GRID2IP: variants seen among roughly 807,000 people sequenced by gnomAD.
GRID2IP encodes delphilin.
In GRID2IP, 78 loss-of-function variants were observed where a neutral mutation model predicts 114.3. That is an observed-to-expected ratio of 0.68 (90% confidence interval 0.57 to 0.82). GRID2IP has a LOEUF of 0.82. Among genes scored for constraint, GRID2IP ranks in the 40% least tolerant of loss-of-function variants. GRID2IP has a pLI of 0.00. For synonymous variants in GRID2IP, 809 were observed against 724.0 expected (o/e 1.12, Z -1.89); for missense variants, 1,727 against 1,678.5 (o/e 1.03, Z -0.51).
intron 2 of GRID2IP, chr7:6,530,957 G>T: frequency 1.8e-6 from 1 of 541,942 alleles, no homozygotes; most frequent in South Asian, 2.2e-5. Context: ...ACCCAGGGCA[G>T]GGAAGCCCCT....
At chr7:6,545,041 C>T (rs990700563) in intron 1 of GRID2IP, among the ~76,000 whole-genome samples, 8 of 151,980 alleles carry the variant, frequency 5.3e-5, no homozygotes, top group East Asian at 1.9e-4. Context: ...AAGCCGAGAT[C>T]GCGCCACTGC....
At position 6,536,985 on chromosome 7, in the gene GRID2IP, T is replaced by C. The variant is rs374165151; in HGVS notation, c.584+2733A>G. The C allele has an allele frequency of 1.3e-5, 1 of 77,820 alleles. No individual in the cohort carries two copies. The highest frequency in any genetic ancestry group is 2.5e-5 in the Non-Finnish European group (1 of 40,654). The allele number at this position is 77,820 out of a possible 1,614,324, so 4.8% of individuals were successfully genotyped here. A position where few individuals can be genotyped will look rare whatever the true frequency, so the allele number is the denominator to read the frequency against. On this transcript the variant is annotated intron_variant, in intron 2 of 21. Transcript: ENST00000457091. The surrounding 1 kb of genome is among the most constrained non-coding windows in gnomAD (Gnocchi z 5.3). ...GCCAGGCCCAGAGGGAGGGGCAGGCTGCGGGGTGAATGGCAGCAAGGGGAG... is the reference window on the plus strand; with the variant it reads ...GCCAGGCCCAGAGGGAGGGGCAGGCCGCGGGGTGAATGGCAGCAAGGGGAG...
chr7:6,517,349 G>A (rs775165935), intron 7 of GRID2IP, among the ~76,000 whole-genome samples: 3 of 151,772 alleles, frequency 2.0e-5, no homozygotes, highest in African/African-American at 4.8e-5. Context: ...GAGCCACCGC[G>A]CCCAGCCGTC....
Position 6,526,627 on chromosome 7 carries a change from G to T in GRID2IP, c.727C>A (p.Leu243Met). 7.5e-7 allele frequency: 1 copy of T among 1,326,262 alleles called. No homozygotes were observed. The highest frequency in any genetic ancestry group is 9.6e-7 in the Non-Finnish European group (1 of 1,039,422). The allele number at this position is 1,326,262 out of a possible 1,614,324, so 82.2% of individuals were successfully genotyped here. Residue 243 changes from leucine (L) to methionine (M), a missense_variant, in exon 3 of 22, where the codon CTG becomes ATG. Physicochemically the swap from Leu to Met is conservative, Grantham distance 15. Coordinates refer to ENST00000457091, the MANE Select transcript of GRID2IP (RefSeq NM_001145118.2). This position sits in a 1 kb window ranked among gnomAD's most constrained non-coding sequence, Gnocchi z 7.6. The stretch of plus-strand genomic sequence containing the variant: ...GGGGCGCTGGCGCGCGTGGACACCA[G>T]GAGGCGCTCCGGCCGCTCCTCGCTG... ...SRSEERPERL[L>M]VSTRASAPPR...
intron 2 of GRID2IP, among the ~76,000 whole-genome samples, chr7:6,538,090 G>A (rs931694277): frequency 1.3e-5 from 2 of 152,064 alleles, no homozygotes; most frequent in Non-Finnish European, 1.5e-5. Flanking sequence ...CCAAAGGGTC[G>A]GGCACCGTGG....
intron 2 of GRID2IP, among the ~76,000 whole-genome samples, chr7:6,527,936 T>G (rs1304080800): frequency 1.3e-5 from 2 of 152,128 alleles, no homozygotes; most frequent in East Asian, 1.9e-4. Context: ...TTTTGTATTT[T>G]TAGTAGAGAT....
At chr7:6,541,887 A>G (rs1030538183) in intron 1 of GRID2IP, among the ~76,000 whole-genome samples, 1 of 152,184 alleles carries the variant, frequency 6.6e-6, no homozygotes, top group Non-Finnish European at 1.5e-5. Flanking sequence ...TCACCTGTGT[A>G]TTATTTCTAA....
rs930437366 is a variant in GRID2IP, at chr7:6,551,078, A to G, written c.359T>C (p.Leu120Pro). 1,301 of 1,285,060 alleles carry G rather than the reference A, an allele frequency of 1.0e-3. 1 individual carries two copies. Among genetic ancestry groups the G allele is most frequent in the Non-Finnish European group, 1.1e-3 (1,169 of 1,018,818 alleles). The allele number at this position is 1,285,060 out of a possible 1,614,324, so 79.6% of individuals were successfully genotyped here. A position where few individuals can be genotyped will look rare whatever the true frequency, so the allele number is the denominator to read the frequency against. ...CGCGTCCGGGCGCTTGCGGCCGGCC[A>G]GGCGAAGCAGCTCACGGCCCAGAGC... is the stretch of plus-strand genomic sequence containing the variant. ...GLALGRELLRLAGRKRPDAVH... is the reference protein window; with the variant it reads ...GLALGRELLRPAGRKRPDAVH... Residue 120 changes from leucine (L) to proline (P), a missense_variant, in exon 1 of 22, where the codon CTG becomes CCG. By Grantham distance (98) the Leu-to-Pro change is moderately conservative (BLOSUM62 -3). Transcript: ENST00000457091.
At chr7:6,500,585 G>A (rs1786386092) in intron 20 of GRID2IP, among the ~76,000 whole-genome samples, 1 of 152,204 alleles carries the variant, frequency 6.6e-6, no homozygotes. Flanking sequence ...GAAAGGGCAG[G>A]GGTAGATCTG....
At chr7:6,510,440 C>T (rs767091397) in intron 10 of GRID2IP, 40 bp from the exon 11 acceptor site, 1 of 1,434,016 alleles carries the variant, frequency 7.0e-7, no homozygotes, top group Non-Finnish European at 9.3e-7. Flanking sequence ...ATTCTGCTTC[C>T]CCTCGTAGCC....
rs1416880332 is a variant in GRID2IP at position 6,507,253 on chromosome 7, C to T, written c.2544+732G>A. 2.0e-5 allele frequency among the ~76,000 whole-genome samples: 3 copies of T among 152,196 alleles called. No individual in the cohort carries two copies. Among genetic ancestry groups the T allele is most frequent in the Admixed American group, 6.5e-5 (1 of 15,270 alleles). On this transcript the variant is annotated intron_variant, in intron 13 of 21. Transcript: ENST00000457091. This position sits in a 1 kb window ranked among gnomAD's most constrained non-coding sequence, Gnocchi z 5.3. ...GAGTATGATGTCCCAGTCAAAGGAG[C>T]TGAGAACCCTGTTCTCTCCTCTGAG...
At chr7:6,539,285 C>T (rs1583352848) in intron 2 of GRID2IP, among the ~76,000 whole-genome samples, 1 of 152,124 alleles carries the variant, frequency 6.6e-6, no homozygotes, top group East Asian at 1.9e-4. Flanking sequence ...TGCACCACCA[C>T]ACCCAGTTAA....
In GRID2IP at chr7:6,515,640, T is replaced by G. The variant is rs564347920; in HGVS notation, c.1269-1111A>C. 5.3e-4 allele frequency among the ~76,000 whole-genome samples: 81 copies of G among 151,698 alleles called. 1 individual carries two copies. Among genetic ancestry groups the G allele is most frequent in the African/African-American group, 1.9e-3 (77 of 41,340 alleles). On this transcript the variant is annotated intron_variant, in intron 7 of 21. Transcript: ENST00000457091. The stretch of plus-strand genomic sequence containing the variant: ...AAAAAATACAAAAATGTGGTAGGCA[T>G]GTTGGTGTGCACCTGTAATCCCAGC...
intron 1 of GRID2IP, among the ~76,000 whole-genome samples, chr7:6,547,462 C>G (rs1486948446): frequency 1.3e-5 from 2 of 151,778 alleles, no homozygotes; most frequent in African/African-American, 2.4e-5. Flanking sequence ...GCAGGAGGAT[C>G]ACTTGAGCCC....
At chr7:6,527,749 C>T (rs1036686336) in intron 2 of GRID2IP, among the ~76,000 whole-genome samples, 7 of 147,758 alleles carry the variant, frequency 4.7e-5, no homozygotes, top group African/African-American at 1.7e-4. Context: ...CAGGCACATG[C>T]CACCAGGCTA....
Position 6,526,904 on chromosome 7 carries a change from G to T in GRID2IP, c.585-135C>A. On this transcript the variant is annotated intron_variant, in intron 2 of 21. Transcript: ENST00000457091. The surrounding 1 kb of genome is among the most constrained non-coding windows in gnomAD (Gnocchi z 7.6). ...TCCTAGGAGTGGCGGAGGGCTGGGG[G>T]GATCGGGATGAGCAGCCGGTAGCAC... 1 of 1,037,538 alleles carries T rather than the reference G, an allele frequency of 9.6e-7. No homozygotes were observed. Among genetic ancestry groups the T allele is most frequent in the Non-Finnish European group, 1.3e-6 (1 of 776,230 alleles). The allele number at this position is 1,037,538 out of a possible 1,614,324, so 64.3% of individuals were successfully genotyped here. A position where few individuals can be genotyped will look rare whatever the true frequency, so the allele number is the denominator to read the frequency against.
rs922489492 is a variant in GRID2IP, at chr7:6,523,881, G to T, written c.920-1924C>A. Among the ~76,000 whole-genome samples the T allele has an allele frequency of 6.6e-6, 1 of 152,194 alleles. No homozygotes were observed. The highest frequency in any genetic ancestry group is 1.5e-5 in the Non-Finnish European group (1 of 68,036). ...TATCTCTGGCTACACATGTGGGAGA[G>T]ACTGGGAGATGGAGATGGTGGTGGT... On this transcript the variant is annotated intron_variant, in intron 4 of 21. Transcript: ENST00000457091. This position sits in a 1 kb window ranked among gnomAD's most constrained non-coding sequence, Gnocchi z 4.5.
At chr7:6,545,862 G>A (rs1303282233) in intron 1 of GRID2IP, among the ~76,000 whole-genome samples, 1 of 152,104 alleles carries the variant, frequency 6.6e-6, no homozygotes, top group East Asian at 1.9e-4. Flanking sequence ...CCACGCACGC[G>A]CCGTGCTGGG....
rs760854139 is a variant in GRID2IP at position 6,509,293 on chromosome 7, C to G, written c.1792G>C (p.Val598Leu). ...AAGAGTCGCTCGCTGGGCCATGAGA[C>G]GCCGGACAGGGTCCTGGGCCCTGGA... ...VTTGPRTLSGVSWPSERLLPS... is the reference protein window; with the variant it reads ...VTTGPRTLSGLSWPSERLLPS... The change falls in exon 12 of 22, where the codon GTC (valine) becomes CTC (leucine). Residue 598 changes from valine to leucine, a missense_variant. By Grantham distance (32) the Val-to-Leu change is conservative. Coordinates refer to ENST00000457091, the MANE Select transcript of GRID2IP (RefSeq NM_001145118.2). This position sits in a 1 kb window ranked among gnomAD's most constrained non-coding sequence, Gnocchi z 4.9. The G allele has an allele frequency of 5.3e-6, 8 of 1,523,314 alleles. No individual in the cohort carries two copies. The highest frequency in any genetic ancestry group is 1.4e-5 in the African/African-American group (1 of 72,492). 94.4% of individuals were successfully genotyped at this position (1,523,314 alleles called of 1,614,324 possible).
Sources: allele counts gnomAD v4.1 joint callset (sites outside exome capture counted in the v4.1 genomes callset), GRCh38; gene constraint gnomAD v4.1.1; non-coding constraint Gnocchi (gnomAD v3.1); transcripts MANE v1.5; gene names NCBI Gene and HGNC (gene_info 2026-07-23, HGNC 2026-07-21).